The following TNFRSF11A variants were observed in gnomAD, a reference collection of about 807,000 sequenced individuals.
TNFRSF11A encodes TNF receptor superfamily member 11a, also known as tumor necrosis factor receptor superfamily member 11A.
TNFRSF11A carries 32 observed loss-of-function variants against 55.7 expected under a neutral mutation model. The ratio of observed to expected loss-of-function variants is 0.57; its 90% CI spans 0.43 to 0.77. TNFRSF11A has a LOEUF of 0.77. Ranked by LOEUF, TNFRSF11A falls within the 30% of genes least tolerant of loss-of-function variation. The probability of loss-of-function intolerance (pLI) is 0.00; values close to 1 mark genes in which losing one functional copy is unlikely to be tolerated. For missense variants in TNFRSF11A, 753 were observed against 809.8 expected (o/e 0.93, Z 0.85); for synonymous variants, 311 against 331.0 (o/e 0.94, Z 0.65).
At chr18:62,348,045 G>A (rs1471446344) in intron 1 of TNFRSF11A, 123 bp from the exon 2 acceptor site, 10 of 788,514 alleles carry the variant, frequency 1.3e-5, no homozygotes, top group Admixed American at 1.2e-4. Flanking sequence ...GGCAACAAGA[G>A]CGAAACTCCA....
At chr18:62,334,486 G>A (rs1015849203) in intron 1 of TNFRSF11A, among the ~76,000 whole-genome samples, 11 of 152,182 alleles carry the variant, frequency 7.2e-5, no homozygotes, top group African/African-American at 2.7e-4. Flanking sequence ...GTGGGAGGAG[G>A]GAGAAGGATG....
intron 4 of TNFRSF11A, chr18:62,357,851 A>C (rs909460316): frequency 3.6e-6 from 1 of 277,724 alleles, no homozygotes; most frequent in Non-Finnish European, 7.1e-6. Flanking sequence ...ATGGGGGAAA[A>C]CAAGAGACAG....
chr18:62,386,914 A>T lies in TNFRSF11A; in HGVS notation c.*1880A>T, dbSNP rs1045546287. The T allele has an allele frequency of 6.6e-6, 1 of 152,250 alleles. No homozygotes were observed. The highest frequency in any genetic ancestry group is 1.5e-5 in the Non-Finnish European group (1 of 68,044). 9.4% of individuals were successfully genotyped at this position (152,250 alleles called of 1,614,324 possible). On this transcript the variant is annotated 3_prime_UTR_variant, in exon 10 of 10. Coordinates refer to ENST00000586569, the MANE Select transcript of TNFRSF11A (RefSeq NM_003839.4). Reference sequence around the variant, plus strand: ...TTAACATCATCCACAGAGAGATGTTATACAAATGGAGGAAACCATTATACC... The same window carrying T: ...TTAACATCATCCACAGAGAGATGTTTTACAAATGGAGGAAACCATTATACC...
intron 4 of TNFRSF11A, chr18:62,357,867 AG>A (rs1443813774): frequency 3.4e-6 from 1 of 290,916 alleles, no homozygotes; most frequent in Non-Finnish European, 6.8e-6. Flanking sequence ...GACAGATAGC[AG>A]GAGCAGTCAA....
In TNFRSF11A at chr18:62,383,966, C is replaced by G. The variant is rs9646629; in HGVS notation, c.1568-785C>G. On this transcript the variant is annotated intron_variant, in intron 9 of 9. Transcript: ENST00000586569. The surrounding 1 kb of genome is among the most constrained non-coding windows in gnomAD (Gnocchi z 4.2). ...GGACCATGAGGAACCAAGGCACCCA[C>G]GGTGATGGGGCCTCAGATGTGAGTC... Among the ~76,000 whole-genome samples, 101,577 of 151,792 alleles carry G rather than the reference C, an allele frequency of 0.67. 34,295 individuals carry two copies. The highest frequency in any genetic ancestry group is 0.74 in the African/African-American group (30,737 of 41,348).
At chr18:62,344,782 G>A (rs1032478388) in intron 1 of TNFRSF11A, among the ~76,000 whole-genome samples, 1 of 152,172 alleles carries the variant, frequency 6.6e-6, no homozygotes, top group South Asian at 2.1e-4. Flanking sequence ...AATACTGTAG[G>A]CAAAATGAGA....
At chr18:62,368,564 T>A in intron 8 of TNFRSF11A, 137 bp from the exon 9 acceptor site, 1 of 892,242 alleles carries the variant, frequency 1.1e-6, no homozygotes, top group Non-Finnish European at 1.8e-6. Flanking sequence ...TAACACAAAG[T>A]TCCATAGTCA....
At chr18:62,378,809 C>T (rs184627220) in intron 9 of TNFRSF11A, among the ~76,000 whole-genome samples, 4 of 152,342 alleles carry the variant, frequency 2.6e-5, no homozygotes, top group Admixed American at 2.6e-4. Flanking sequence ...ATTCTCACCA[C>T]TAGTGAGAGC....
Position 62,361,677 on chromosome 18 carries a change from C to G in TNFRSF11A, c.617-3C>G. Reference sequence around the variant, plus strand: ...CCATATTTCTCATTTTCTTCCAATACAGAACCCCATGTTTACTTGCCCGGT... The same window carrying G: ...CCATATTTCTCATTTTCTTCCAATAGAGAACCCCATGTTTACTTGCCCGGT... On this transcript the variant is annotated splice_region_variant and splice_polypyrimidine_tract_variant and intron_variant, in intron 6 of 9. Transcript: ENST00000586569. 6.2e-7 allele frequency: 1 copy of G among 1,612,136 alleles called. No homozygotes were observed. Among genetic ancestry groups the G allele is most frequent in the Non-Finnish European group, 8.5e-7 (1 of 1,178,216 alleles).
At chr18:62,384,634 C>A in intron 9 of TNFRSF11A, 117 bp from the exon 10 acceptor site, 2 of 1,255,340 alleles carry the variant, frequency 1.6e-6, no homozygotes, top group Non-Finnish European at 1.1e-6. Flanking sequence ...TTCCCTGTGG[C>A]CCCGGGCTGT....
intron 1 of TNFRSF11A, among the ~76,000 whole-genome samples, chr18:62,342,408 A>AAAAAAAAAC: frequency 6.7e-6 from 1 of 148,696 alleles, no homozygotes; most frequent in Non-Finnish European, 1.5e-5. Context: ...TCTCAAAAAA[A>AAAAAAAAAC]AAAAAAAAAA....
At chr18:62,342,401 C>CAAAAAAAAA (rs371734407) in intron 1 of TNFRSF11A, among the ~76,000 whole-genome samples, 2,742 of 62,160 alleles carry the variant, frequency 0.044, 334 homozygotes, top group Non-Finnish European at 0.063. Context: ...GATTCTGTCT[C>CAAAAAAAAA]AAAAAAAAAA....
chr18:62,379,579 C>A (rs896167771), intron 9 of TNFRSF11A, among the ~76,000 whole-genome samples: 1 of 152,126 alleles, frequency 6.6e-6, no homozygotes, highest in Non-Finnish European at 1.5e-5. Context: ...ATGACACAAC[C>A]GTGAAAGGTG....
intron 9 of TNFRSF11A, among the ~76,000 whole-genome samples, chr18:62,371,766 AT>A (rs1910571143): frequency 6.6e-6 from 1 of 152,168 alleles, no homozygotes; most frequent in Non-Finnish European, 1.5e-5. Context: ...GTACTTTCTC[AT>A]TCTTGCTTTT....
intron 1 of TNFRSF11A, among the ~76,000 whole-genome samples, chr18:62,344,351 T>C (rs563436087): frequency 6.6e-6 from 1 of 152,296 alleles, no homozygotes; most frequent in South Asian, 2.1e-4. Flanking sequence ...ACTAGAAAAA[T>C]CTCAGTAAAT....
chr18:62,335,129 A>AGTTTTTTTTTTTTTTTT, intron 1 of TNFRSF11A, among the ~76,000 whole-genome samples: 1 of 140,780 alleles, frequency 7.1e-6, no homozygotes. Flanking sequence ...TGGGGTCGGA[A>AGTTTTTTTTTTTTTTTT]TTTTTTTTTT....
In TNFRSF11A at chr18:62,359,939, A is replaced by G; in HGVS notation, c.522-16A>G. 6.2e-7 allele frequency: 1 copy of G among 1,611,072 alleles called. No individual in the cohort carries two copies. The highest frequency in any genetic ancestry group is 8.5e-7 in the Non-Finnish European group (1 of 1,177,286). ...GCTTATAAAACCAAAGCACTGAACC[A>G]CCTTTTCCCCCACAGCTGTACCTTC... On this transcript the variant is annotated splice_polypyrimidine_tract_variant and intron_variant, in intron 5 of 9. Transcript: ENST00000586569.
intron 9 of TNFRSF11A, among the ~76,000 whole-genome samples, chr18:62,377,133 T>A (rs947630290): frequency 2.0e-5 from 3 of 152,142 alleles, no homozygotes; most frequent in African/African-American, 7.2e-5. Flanking sequence ...GCCAAGATGG[T>A]CTCCATCTCC....
At chr18:62,341,365 A>G (rs1421692754) in intron 1 of TNFRSF11A, among the ~76,000 whole-genome samples, 1 of 152,230 alleles carries the variant, frequency 6.6e-6, no homozygotes, top group Non-Finnish European at 1.5e-5. Flanking sequence ...ATACTCTGCT[A>G]TGCAGCTTTG....
Sources: gnomAD v4.1 joint callset for allele counts (sites outside exome capture counted in the v4.1 genomes callset) on GRCh38, gnomAD v4.1.1 for gene constraint, Gnocchi (gnomAD v3.1) non-coding constraint, MANE v1.5 for transcripts, NCBI Gene and HGNC (gene_info 2026-07-23, HGNC 2026-07-21) for gene names.